Variants in UTP11 observed in about 807,000 individuals in gnomAD.
UTP11 encodes the protein UTP11 small subunit processome component.
UTP11 carries 29 observed loss-of-function variants against 39.0 expected under a neutral mutation model. The ratio of observed to expected loss-of-function variants is 0.74; its 90% CI spans 0.55 to 1.01. The LOEUF is 1.01. Ranked by LOEUF, UTP11 falls within the 50% of genes least tolerant of loss-of-function variation. UTP11 has a pLI of 0.00. For synonymous variants in UTP11, 111 were observed against 105.0 expected (o/e 1.06, Z -0.35); for missense variants, 281 against 306.0 (o/e 0.92, Z 0.61).
In UTP11 at chr1:38,024,065, T is replaced by C. The variant is rs1230428844; in HGVS notation, c.*437T>C. ...GTTGGCCAGGCTGGTTTTGAACTCG[T>C]GGCCTCAAGCGATCCTCCCACCTTG... is the stretch of plus-strand genomic sequence containing the variant. On this transcript the variant is annotated 3_prime_UTR_variant, in exon 8 of 8. Coordinates refer to ENST00000373014, the MANE Select transcript of UTP11 (RefSeq NM_016037.4). The C allele has an allele frequency of 6.5e-6, 1 of 152,894 alleles. No individual in the cohort carries two copies. Among genetic ancestry groups the C allele is most frequent in the Non-Finnish European group, 1.5e-5 (1 of 68,586 alleles). The allele number at this position is 152,894 out of a possible 1,614,324, so 9.5% of individuals were successfully genotyped here. A position where few individuals can be genotyped will look rare whatever the true frequency, so the allele number is the denominator to read the frequency against.
In UTP11 at chr1:38,018,414, T is replaced by C. The variant is rs150603410; in HGVS notation, c.229-50T>C. 1,245 of 1,407,858 alleles carry C rather than the reference T, an allele frequency of 8.8e-4. 5 individuals carry two copies. In the Admixed American group the frequency reaches 0.011, roughly 13 times the overall value. 87.2% of individuals were successfully genotyped at this position (1,407,858 alleles called of 1,614,324 possible). On this transcript the variant is annotated intron_variant, in intron 3 of 7. Transcript: ENST00000373014. Reference sequence around the variant, plus strand: ...AGCCGTGCACTGTGCCAACAACTTATTAATGATTTTAATCTAATAGGGAAT... The same window carrying C: ...AGCCGTGCACTGTGCCAACAACTTACTAATGATTTTAATCTAATAGGGAAT...
intron 6 of UTP11, 62 bp from the exon 7 acceptor site, chr1:38,022,637 A>G (rs1646744712): frequency 1.2e-5 from 14 of 1,121,320 alleles, no homozygotes; most frequent in Non-Finnish European, 1.9e-5. Context: ...ATTAAGAAAC[A>G]GTTTCTTACT....
chr1:38,017,640 TA>T, intron 2 of UTP11, 27 bp from the exon 3 acceptor site: 1 of 1,301,992 alleles, frequency 7.7e-7, no homozygotes, highest in South Asian at 1.5e-5. Context: ...TTTTTTTTGC[TA>T]TGAACCTCAT....
rs1646755836 is a variant in UTP11, at chr1:38,024,645, G to A, written c.*1017G>A. 1 of 150,840 alleles carries A rather than the reference G, an allele frequency of 6.6e-6. No homozygotes were observed. Among genetic ancestry groups the A allele is most frequent in the Non-Finnish European group, 1.5e-5 (1 of 67,734 alleles). The allele number at this position is 150,840 out of a possible 1,614,324, so 9.3% of individuals were successfully genotyped here. A position where few individuals can be genotyped will look rare whatever the true frequency, so the allele number is the denominator to read the frequency against. ...GATGGTCTCGATCTCCTGACCTCAT[G>A]ATCCACCCGCCTCGGCCTCCCAAAG... On this transcript the variant is annotated 3_prime_UTR_variant, in exon 8 of 8. Coordinates refer to ENST00000373014, the MANE Select transcript of UTP11 (RefSeq NM_016037.4).
chr1:38,021,594 T>G (rs1480776081), intron 6 of UTP11, among the ~76,000 whole-genome samples: 1 of 152,194 alleles, frequency 6.6e-6, no homozygotes, highest in Non-Finnish European at 1.5e-5. Flanking sequence ...TGTACATTTA[T>G]CTCAAGAAAC....
chr1:38,023,521 G>A, intron 7 of UTP11, 24 bp from the exon 8 acceptor site: 1 of 1,596,114 alleles, frequency 6.3e-7, no homozygotes, highest in South Asian at 1.1e-5. Flanking sequence ...TCTCTTTACT[G>A]ATCACCTTTT....
At chr1:38,016,268 A>C in intron 1 of UTP11, 91 bp from the exon 2 acceptor site, 5 of 1,330,238 alleles carry the variant, frequency 3.8e-6, no homozygotes, top group Non-Finnish European at 5.4e-6. Flanking sequence ...TGAGCACTCC[A>C]GAGACTCCTG....
In UTP11 at chr1:38,023,914, T is replaced by G. The variant is rs1014961445; in HGVS notation, c.*286T>G. 21 of 213,428 alleles carry G rather than the reference T, an allele frequency of 9.8e-5. No individual in the cohort carries two copies. Among genetic ancestry groups the G allele is most frequent in the African/African-American group, 4.6e-4 (20 of 43,384 alleles). 13.2% of individuals were successfully genotyped at this position (213,428 alleles called of 1,614,324 possible). ...AGTGCAGTGTGTGATTATGGCTCAC[T>G]GCAACTTTGAACTCCTGGGCTCAAG... On this transcript the variant is annotated 3_prime_UTR_variant, in exon 8 of 8. Coordinates refer to ENST00000373014, the MANE Select transcript of UTP11 (RefSeq NM_016037.4).
chr1:38,017,542 T>C (rs1486571779), intron 2 of UTP11, 126 bp from the exon 3 acceptor site: 6 of 706,938 alleles, frequency 8.5e-6, no homozygotes, highest in Non-Finnish European at 1.3e-5. Flanking sequence ...TGCTTTTGGC[T>C]TTTTTGAGTT....
chr1:38,016,304 G>T, intron 1 of UTP11, 55 bp from the exon 2 acceptor site: 1 of 1,562,406 alleles, frequency 6.4e-7, no homozygotes, highest in South Asian at 1.1e-5. Flanking sequence ...GTGTTGATTT[G>T]GATATGTGTT....
At chr1:38,019,508 C>G in intron 6 of UTP11, 125 bp downstream of exon 6, 1 of 865,620 alleles carries the variant, frequency 1.2e-6, no homozygotes, top group Non-Finnish European at 1.5e-6. Context: ...ATTTTTTAGT[C>G]AGAGTCTCAC....
At chr1:38,019,484 ATTTAT>A in intron 6 of UTP11, 101 bp downstream of exon 6, 4 of 1,083,186 alleles carry the variant, frequency 3.7e-6, no homozygotes, top group Non-Finnish European at 3.7e-6. Context: ...AATTTTTAAA[ATTTAT>A]TTTATTTTAT....
Position 38,023,569 on chromosome 1 carries a change from A to G in UTP11, c.703A>G (p.Lys235Glu). ...LMDKTQKVKVKKETVNSPAIY... is the reference protein window; with the variant it reads ...LMDKTQKVKVEKETVNSPAIY... ...GGATAAAACTCAGAAAGTGAAGGTGAAGAAAGAAACGGTGAACTCCCCAGC... is the reference window on the plus strand; with the variant it reads ...GGATAAAACTCAGAAAGTGAAGGTGGAGAAAGAAACGGTGAACTCCCCAGC... The change falls in exon 8 of 8, where the codon AAG (lysine) becomes GAG (glutamate). Residue 235 changes from lysine to glutamate, a missense_variant. Coordinates refer to ENST00000373014, the MANE Select transcript of UTP11 (RefSeq NM_016037.4). 1 of 1,611,698 alleles carries G rather than the reference A, an allele frequency of 6.2e-7. No individual in the cohort carries two copies. The highest frequency in any genetic ancestry group is 8.5e-7 in the Non-Finnish European group (1 of 1,179,038).
intron 1 of UTP11, among the ~76,000 whole-genome samples, chr1:38,013,629 G>A (rs1281389802): frequency 6.6e-6 from 1 of 152,224 alleles, no homozygotes; most frequent in African/African-American, 2.4e-5. Context: ...AGATGAGGAA[G>A]ACAGGGGAAA....
intron 6 of UTP11, among the ~76,000 whole-genome samples, chr1:38,021,909 GAAGA>G (rs1247296163): frequency 6.0e-5 from 9 of 150,866 alleles, no homozygotes; most frequent in South Asian, 2.1e-4. Context: ...AAAAAAAAAA[GAAGA>G]AAGATCCCAA....
At chr1:38,017,638 G>A (rs749134513) in intron 2 of UTP11, 30 bp from the exon 3 acceptor site, 4 of 683,790 alleles carry the variant, frequency 5.8e-6, no homozygotes, top group Non-Finnish European at 7.6e-6. Context: ...TTTTTTTTTT[G>A]CTATGAACCT....
chr1:38,022,373 T>A (rs1472375000), intron 6 of UTP11, among the ~76,000 whole-genome samples: 1 of 152,122 alleles, frequency 6.6e-6, no homozygotes, highest in Non-Finnish European at 1.5e-5. Flanking sequence ...CTTTTTTAAT[T>A]TTTAATTTTT....
In UTP11 at chr1:38,018,469, A is replaced by G; in HGVS notation, c.234A>G (p.Gly78=). The G allele has an allele frequency of 1.2e-6, 2 of 1,605,808 alleles. No homozygotes were observed. The highest frequency in any genetic ancestry group is 1.7e-6 in the Non-Finnish European group (2 of 1,175,168). Residue 78 remains glycine (G), a synonymous_variant, in exon 4 of 8, where the codon GGA becomes GGG. Transcript: ENST00000373014. ...YKMTRVKLQD[G]VHIIKETKEE... is the part of the protein sequence containing the mutation. ...CTTTTAAATTTGGATTTTAGGATGG[A>G]GTACATATTATTAAGGAGACTAAGG...
intron 7 of UTP11, among the ~76,000 whole-genome samples, chr1:38,023,282 A>G (rs1308431756): frequency 6.6e-6 from 1 of 152,188 alleles, no homozygotes; most frequent in Admixed American, 6.5e-5. Flanking sequence ...TCCGTGAGAG[A>G]ATTAAAATTA....
Sources: gnomAD v4.1 joint callset for allele counts (sites outside exome capture counted in the v4.1 genomes callset) on GRCh38, gnomAD v4.1.1 for gene constraint, MANE v1.5 for transcripts, NCBI Gene and HGNC (gene_info 2026-07-23, HGNC 2026-07-21) for gene names.